The following GREB1 variants were observed in gnomAD, a reference collection of about 807,000 sequenced individuals.
GREB1 encodes protein GREB1.
A neutral mutation model predicts 200.7 loss-of-function variants in GREB1; 106 were observed. That is an observed-to-expected ratio of 0.53 (90% CI 0.45 to 0.62). The LOEUF (loss-of-function observed/expected upper bound fraction) is 0.62, where lower values mean the gene tolerates loss of function less well. Ranked by LOEUF, GREB1 falls within the 20% of genes least tolerant of loss-of-function variation. GREB1 has a pLI of 0.00. For missense variants in GREB1, 2,243 were observed against 2,556.8 expected (o/e 0.88, Z 2.65); for synonymous variants, 1,132 against 1,092.4 (o/e 1.04, Z -0.72).
Position 11,518,118 on chromosome 2 carries a change from A to G in GREB1, c.-159+35737A>G, listed in dbSNP as rs191125121. ...CAATAACTAACAAAATGGAATATGCATGCTAATTTTTAGGCAATAGTTTTC... is the reference window on the plus strand; with the variant it reads ...CAATAACTAACAAAATGGAATATGCGTGCTAATTTTTAGGCAATAGTTTTC... On this transcript the variant is annotated intron_variant, in intron 1 of 2. Coordinates refer to the GREB1 transcript ENST00000628795. Among the ~76,000 whole-genome samples the G allele has an allele frequency of 3.2e-3, 490 of 152,340 alleles. 3 individuals are homozygous for G. The highest frequency in any genetic ancestry group is 3.6e-3 in the Non-Finnish European group (242 of 68,034).
chr2:11,547,129 G>A (rs1242784950), intron 1 of GREB1, among the ~76,000 whole-genome samples: 4 of 151,904 alleles, frequency 2.6e-5, no homozygotes, highest in Non-Finnish European at 4.4e-5. Context: ...TTTTAGTACA[G>A]ATGGGGTTTC....
intron 1 of GREB1, among the ~76,000 whole-genome samples, chr2:11,519,062 A>T (rs551761620): frequency 6.7e-6 from 1 of 149,410 alleles, no homozygotes; most frequent in African/African-American, 2.5e-5. Flanking sequence ...GCGCCACTGC[A>T]CTCCAGCCTG....
At chr2:11,514,977 TCCATCCATCC>T (rs1673445964) in intron 1 of GREB1, among the ~76,000 whole-genome samples, 1 of 152,010 alleles carries the variant, frequency 6.6e-6, no homozygotes, top group Admixed American at 6.6e-5. Context: ...CATCCATCCA[TCCATCCATCC>T]GCGCATGTGT....
intron 1 of GREB1, among the ~76,000 whole-genome samples, chr2:11,538,924 CT>C (rs1408373175): frequency 2.8e-5 from 1 of 35,920 alleles, no homozygotes; most frequent in Non-Finnish European, 6.6e-5. Flanking sequence ...CTCCCCTCCC[CT>C]CGTGTCCCCT....
At chr2:11,593,218 G>A (rs1680912098) in intron 11 of GREB1, 92 bp downstream of exon 11, 2 of 936,256 alleles carry the variant, frequency 2.1e-6, no homozygotes, top group South Asian at 1.8e-5. Flanking sequence ...TGTCTAGGGT[G>A]GCCCGGGTTT....
chr2:11,572,967 G>A (rs111854822), intron 4 of GREB1, among the ~76,000 whole-genome samples: 5 of 152,170 alleles, frequency 3.3e-5, no homozygotes, highest in African/African-American at 4.8e-5. Context: ...AAATGAGAAC[G>A]TTTATAATGT....
Position 11,628,039 on chromosome 2 carries a change from C to A in GREB1, c.4449+935C>A, listed in dbSNP as rs116057113. On this transcript the variant is annotated intron_variant, in intron 25 of 32. Transcript: ENST00000381486. Reference sequence around the variant, plus strand: ...GAACCCAGACTTTGGGGTGGGTACACTCAGCCACGAAACTCGGAGGGCAGG... The same window carrying A: ...GAACCCAGACTTTGGGGTGGGTACAATCAGCCACGAAACTCGGAGGGCAGG... Among the ~76,000 whole-genome samples, 3 of 152,040 alleles carry A rather than the reference C, an allele frequency of 2.0e-5. No homozygotes were observed. In the East Asian group the frequency reaches 5.8e-4, roughly 29 times the overall value.
chr2:11,566,786 G>A (rs1010099528), intron 4 of GREB1, 130 bp downstream of exon 4: 153 of 752,162 alleles, frequency 2.0e-4, no homozygotes, highest in South Asian at 6.8e-4. Flanking sequence ...ATGCAGCCCT[G>A]TTTCTGTTTT....
At chr2:11,588,467 C>A in intron 9 of GREB1, 1 of 455,282 alleles carries the variant, frequency 2.2e-6, no homozygotes, top group South Asian at 2.1e-5. Flanking sequence ...GCAAGTCCCT[C>A]CCTCCAGCCC....
rs1685695157 is a variant in GREB1 at position 11,640,051 on chromosome 2, C to T, written c.5687-240C>T. ...TCCTCTCCGCACCTCGGTTCAGTCC[C>T]TGCTCGGCTTTCCTTCTGCCTCCGT... On this transcript the variant is annotated intron_variant, in intron 32 of 32. Coordinates refer to ENST00000381486, the MANE Select transcript of GREB1 (RefSeq NM_014668.4). This position sits in a 1 kb window ranked among gnomAD's most constrained non-coding sequence, Gnocchi z 4.6. 6.6e-6 allele frequency among the ~76,000 whole-genome samples: 1 copy of T among 152,126 alleles called. No individual in the cohort carries two copies. The highest frequency in any genetic ancestry group is 2.4e-5 in the African/African-American group (1 of 41,426).
In GREB1 at chr2:11,597,703, C is replaced by T; in HGVS notation, c.1955-78C>T. On this transcript the variant is annotated intron_variant, in intron 13 of 32. Transcript: ENST00000381486. The surrounding 1 kb of genome is among the most constrained non-coding windows in gnomAD (Gnocchi z 4.1). The stretch of plus-strand genomic sequence containing the variant: ...GGGGCCGTCTCCCCTGGACAGGTCT[C>T]ACTGATTCTCTGGCCAAGGGCCTGG... 7.7e-7 allele frequency: 1 copy of T among 1,301,012 alleles called. No individual in the cohort carries two copies. The highest frequency in any genetic ancestry group is 1.1e-6 in the Non-Finnish European group (1 of 896,848). 80.6% of individuals were successfully genotyped at this position (1,301,012 alleles called of 1,614,324 possible).
rs974997411 is a variant in GREB1, at chr2:11,552,889, A to G, written c.-161-3565A>G. ...GCCGGGCATGGTGGCGCACGCCTGT[A>G]GTCCCAGCTACACGGGAGGCTGAGG... On this transcript the variant is annotated intron_variant, in intron 1 of 32. Coordinates refer to ENST00000381486, the MANE Select transcript of GREB1 (RefSeq NM_014668.4). Among the ~76,000 whole-genome samples, 4 of 151,448 alleles carry G rather than the reference A, an allele frequency of 2.6e-5. No homozygotes were observed. The East Asian group carries it at 5.9e-4, about 22-fold the overall frequency.
chr2:11,518,128 T>C lies in GREB1; in HGVS notation c.-159+35747T>C, dbSNP rs182692435. ...CAAAATGGAATATGCATGCTAATTT[T>C]TAGGCAATAGTTTTCTTTTATGGTC... On this transcript the variant is annotated intron_variant, in intron 1 of 2. Transcript: ENST00000628795. Among the ~76,000 whole-genome samples the C allele has an allele frequency of 5.2e-3, 790 of 152,334 alleles. 7 individuals carry two copies. The highest frequency in any genetic ancestry group is 0.017 in the African/African-American group (716 of 41,576).
Position 11,576,345 on chromosome 2 carries a change from T to A in GREB1, c.455-8T>A. 6.3e-7 allele frequency: 1 copy of A among 1,599,860 alleles called. No individual in the cohort carries two copies. Among genetic ancestry groups the A allele is most frequent in the Non-Finnish European group, 8.5e-7 (1 of 1,174,200 alleles). ...AGAAAGATGTTTATGGTTTACTTCC[T>A]TCTCCAGGTTTCTCTGGGAATTGTG... On this transcript the variant is annotated splice_polypyrimidine_tract_variant and splice_region_variant and intron_variant, in intron 4 of 32. Transcript: ENST00000381486.
chr2:11,622,152 C>T (rs537607513), intron 23 of GREB1, among the ~76,000 whole-genome samples: 1 of 152,160 alleles, frequency 6.6e-6, no homozygotes, highest in Non-Finnish European at 1.5e-5. Context: ...ACCATCTCGG[C>T]TCATTGCAAC....
chr2:11,575,988 G>A (rs1678814921), intron 4 of GREB1, among the ~76,000 whole-genome samples: 1 of 152,140 alleles, frequency 6.6e-6, no homozygotes, highest in African/African-American at 2.4e-5. Flanking sequence ...AGTTGAGGCC[G>A]TCTTCACCTC....
intron 10 of GREB1, among the ~76,000 whole-genome samples, chr2:11,589,193 G>T (rs1017746046): frequency 1.3e-5 from 2 of 152,222 alleles, no homozygotes; most frequent in Non-Finnish European, 2.9e-5. Context: ...AGGGAATTGA[G>T]CAAAGACCCT....
At chr2:11,602,776 A>G (rs1681900861) in intron 17 of GREB1, among the ~76,000 whole-genome samples, 1 of 152,218 alleles carries the variant, frequency 6.6e-6, no homozygotes, top group African/African-American at 2.4e-5. Flanking sequence ...CAATGAGCGG[A>G]AATATGCTGG....
Position 11,611,146 on chromosome 2 carries a change from C to T in GREB1, c.3006+119C>T, listed in dbSNP as rs187518025. 1.3e-5 allele frequency: 10 copies of T among 776,826 alleles called. No homozygotes were observed. In the Admixed American group the frequency reaches 2.9e-4, roughly 22 times the overall value. 48.1% of individuals were successfully genotyped at this position (776,826 alleles called of 1,614,324 possible). A position where few individuals can be genotyped will look rare whatever the true frequency, so the allele number is the denominator to read the frequency against. ...GCGTGGCCAACGTGGCTTCCCTAGACCCAGCCACCCCTCAGCCTCCTCTCT... is the reference window on the plus strand; with the variant it reads ...GCGTGGCCAACGTGGCTTCCCTAGATCCAGCCACCCCTCAGCCTCCTCTCT... On this transcript the variant is annotated intron_variant, in intron 18 of 32. Coordinates refer to ENST00000381486, the MANE Select transcript of GREB1 (RefSeq NM_014668.4).
Sources: gnomAD v4.1 joint callset for allele counts (sites outside exome capture counted in the v4.1 genomes callset) on GRCh38, gnomAD v4.1.1 for gene constraint, Gnocchi (gnomAD v3.1) non-coding constraint, MANE v1.5 for transcripts, NCBI Gene and HGNC (gene_info 2026-07-23, HGNC 2026-07-21) for gene names.